Variants in ARHGAP29 observed in about 807,000 individuals in gnomAD.
ARHGAP29 encodes the protein rho GTPase-activating protein 29.
ARHGAP29 carries 43 observed loss-of-function variants against 122.6 expected under a neutral mutation model. The ratio of observed to expected loss-of-function variants is 0.35; its 90% CI spans 0.27 to 0.45. The LOEUF is 0.45. Among genes scored for constraint, ARHGAP29 ranks in the 20% least tolerant of loss-of-function variants. The pLI, the probability that ARHGAP29 is intolerant of heterozygous loss-of-function variation, is 1.00. For missense variants in ARHGAP29, 1,303 were observed against 1,477.2 expected (o/e 0.88, Z 1.93); for synonymous variants, 506 against 497.1 (o/e 1.02, Z -0.24).
rs192453794 is a variant in ARHGAP29, at chr1:94,182,619, A to C, written c.2247+1532T>G. Among the ~76,000 whole-genome samples, 300 of 152,096 alleles carry C rather than the reference A, an allele frequency of 2.0e-3. 2 individuals are homozygous for C. The highest frequency in any genetic ancestry group is 7.0e-3 in the African/African-American group (289 of 41,502). On this transcript the variant is annotated intron_variant, in intron 19 of 22. Transcript: ENST00000260526. The stretch of plus-strand genomic sequence containing the variant: ...AAGGATTTCAGGCTTCAAAGAGAAC[A>C]AAAAAAACACCTTTGAATTTCTGAA...
intron 2 of ARHGAP29, among the ~76,000 whole-genome samples, chr1:94,226,245 A>G (rs1229005621): frequency 4.6e-5 from 7 of 152,064 alleles, no homozygotes; most frequent in Admixed American, 4.6e-4. Context: ...TTGAAGTTAC[A>G]GGATAAAAGT....
the ARHGAP29 span, among the ~76,000 whole-genome samples, chr1:94,303,242 G>A: frequency 6.6e-6 from 1 of 152,138 alleles, no homozygotes; most frequent in Non-Finnish European, 1.5e-5. Flanking sequence ...AAAAAGGAAG[G>A]AAATTCTGAC....
At chr1:94,229,758 A>G (rs778462775) in intron 2 of ARHGAP29, among the ~76,000 whole-genome samples, 6 of 151,514 alleles carry the variant, frequency 4.0e-5, no homozygotes, top group Non-Finnish European at 8.9e-5. Flanking sequence ...CTTAGGGTCA[A>G]CTTTCAGTTG....
chr1:94,293,920 G>A, the ARHGAP29 span, among the ~76,000 whole-genome samples: 1 of 152,188 alleles, frequency 6.6e-6, no homozygotes, highest in African/African-American at 2.4e-5. Context: ...CCCTCTCCCA[G>A]TTAGAAGGTT....
chr1:94,246,574 CA>C (rs1027464150), intron 1 of ARHGAP29, among the ~76,000 whole-genome samples: 2 of 151,498 alleles, frequency 1.3e-5, no homozygotes, highest in South Asian at 2.1e-4. Context: ...GTCAAAGATC[CA>C]AAAAAAACAA....
chr1:94,209,220 G>T, intron 4 of ARHGAP29, 34 bp downstream of exon 4: 1 of 1,418,924 alleles, frequency 7.0e-7, no homozygotes, highest in Non-Finnish European at 9.9e-7. Context: ...AGACACCTAG[G>T]ACTAGTTGCT....
chr1:94,241,654 C>T (rs1349571823), upstream of ARHGAP29, among the ~76,000 whole-genome samples: 3 of 127,556 alleles, frequency 2.4e-5, no homozygotes, highest in Admixed American at 8.5e-5. Flanking sequence ...ATATATATAT[C>T]TTATATATAT....
At chr1:94,314,030 C>T in the ARHGAP29 span, among the ~76,000 whole-genome samples, 1 of 152,184 alleles carries the variant, frequency 6.6e-6, no homozygotes, top group African/African-American at 2.4e-5. Flanking sequence ...ATGTAAATGA[C>T]GAGTTAATGG....
At chr1:94,197,286 A>T (rs1395454302) in intron 12 of ARHGAP29, among the ~76,000 whole-genome samples, 6 of 152,172 alleles carry the variant, frequency 3.9e-5, no homozygotes, top group Non-Finnish European at 8.8e-5. Context: ...ATTCCATGAA[A>T]GCCACAAGCT....
At chr1:94,247,703 A>ACACCACCAC (rs568949677) in intron 1 of ARHGAP29, among the ~76,000 whole-genome samples, 3,246 of 151,016 alleles carry the variant, frequency 0.021, 129 homozygotes, top group African/African-American at 0.074. Flanking sequence ...GCAGCCACAG[A>ACACCACCAC]CACCACCACC....
chr1:94,277,599 GA>G (rs377257221), upstream of ARHGAP29, among the ~76,000 whole-genome samples: 7 of 151,796 alleles, frequency 4.6e-5, no homozygotes, highest in African/African-American at 1.5e-4. Context: ...GTATGGAAGA[GA>G]AAAAAAATAG....
the ARHGAP29 span, among the ~76,000 whole-genome samples, chr1:94,293,054 C>A: frequency 2.6e-5 from 4 of 152,238 alleles, no homozygotes; most frequent in Non-Finnish European, 5.9e-5. Context: ...TCAGATATGC[C>A]CTGCCCCAAG....
At chr1:94,314,412 G>C in the ARHGAP29 span, among the ~76,000 whole-genome samples, 3 of 152,114 alleles carry the variant, frequency 2.0e-5, no homozygotes, top group African/African-American at 7.2e-5. Context: ...CCATGATTCT[G>C]GGGGATTGTG....
At chr1:94,214,178 A>G (rs778917909) in intron 3 of ARHGAP29, among the ~76,000 whole-genome samples, 3 of 152,194 alleles carry the variant, frequency 2.0e-5, no homozygotes, top group Admixed American at 1.3e-4. Context: ...GCAAAACAGC[A>G]TATTATTGAG....
the ARHGAP29 span, among the ~76,000 whole-genome samples, chr1:94,281,064 G>T: frequency 6.6e-6 from 1 of 152,120 alleles, no homozygotes; most frequent in Non-Finnish European, 1.5e-5. Context: ...ATCTCCATAA[G>T]TGACAACTGT....
At chr1:94,185,238 T>C in intron 17 of ARHGAP29, 104 bp downstream of exon 17, 1 of 1,331,916 alleles carries the variant, frequency 7.5e-7, no homozygotes, top group Non-Finnish European at 1.0e-6. Flanking sequence ...TAGTACAATT[T>C]ATTAAACATA....
the ARHGAP29 span, among the ~76,000 whole-genome samples, chr1:94,288,361 A>G: frequency 1.3e-5 from 2 of 151,874 alleles, no homozygotes; most frequent in Admixed American, 6.6e-5. Context: ...TTTTTCTTGT[A>G]AATTTGTCTA....
intron 12 of ARHGAP29, chr1:94,191,540 A>T (rs573386580): frequency 6.6e-6 from 1 of 152,296 alleles, no homozygotes; most frequent in East Asian, 1.9e-4. Flanking sequence ...TTCAAACTGC[A>T]TAAGGTACAG....
chr1:94,196,668 G>A (rs1172565030), intron 12 of ARHGAP29, among the ~76,000 whole-genome samples: 1 of 152,098 alleles, frequency 6.6e-6, no homozygotes, highest in Non-Finnish European at 1.5e-5. Flanking sequence ...TAAGAGAAAT[G>A]TAATCATAAC....
Sources: allele counts gnomAD v4.1 joint callset (sites outside exome capture counted in the v4.1 genomes callset), GRCh38; gene constraint gnomAD v4.1.1; transcripts MANE v1.5; gene names NCBI Gene and HGNC (gene_info 2026-07-23, HGNC 2026-07-21).